Variants in MYLK observed in about 807,000 individuals in gnomAD.
MYLK encodes myosin light chain kinase, smooth muscle.
In MYLK, 106 loss-of-function variants were observed where a neutral mutation model predicts 203.4. The observed-to-expected ratio is 0.52, with a 90% CI of 0.45 to 0.61. The LOEUF is 0.61. Among genes scored for constraint, MYLK ranks in the 20% least tolerant of loss-of-function variants. The pLI, the probability that MYLK is intolerant of heterozygous loss-of-function variation, is 0.00. For synonymous variants in MYLK, 867 were observed against 959.5 expected (o/e 0.90, Z 1.78); for missense variants, 2,072 against 2,442.3 (o/e 0.85, Z 3.20).
chr3:123,819,791 T>A (rs1462270366), intron 3 of MYLK, among the ~76,000 whole-genome samples: 1 of 114,966 alleles, frequency 8.7e-6, no homozygotes, highest in Non-Finnish European at 2.2e-5. Context: ...AGCCTCCTTT[T>A]TTTTTTTTTT....
intron 4 of MYLK, among the ~76,000 whole-genome samples, chr3:123,792,663 C>T (rs540745908): frequency 3.3e-5 from 5 of 152,258 alleles, no homozygotes; most frequent in South Asian, 2.1e-4. Flanking sequence ...GAGCCCCCAG[C>T]GATTCTTCCT....
At chr3:123,701,093 G>A (rs2061191390) in intron 17 of MYLK, 88 bp from the exon 18 acceptor site, 2 of 1,530,738 alleles carry the variant, frequency 1.3e-6, no homozygotes, top group Admixed American at 3.7e-5. Flanking sequence ...AATCCCTGAG[G>A]GTGGGAGGGT....
At chr3:123,809,642 T>C (rs1485956503) in intron 3 of MYLK, among the ~76,000 whole-genome samples, 2 of 152,266 alleles carry the variant, frequency 1.3e-5, no homozygotes, top group South Asian at 2.1e-4. Flanking sequence ...CACTCTGCTC[T>C]GCAGACAGCA....
intron 4 of MYLK, among the ~76,000 whole-genome samples, chr3:123,786,129 CCT>C (rs1452105320): frequency 6.6e-6 from 1 of 151,896 alleles, no homozygotes; most frequent in Non-Finnish European, 1.5e-5. Context: ...ATGGTGAAAC[CCT>C]GTCTCTACTA....
Position 123,861,595 on chromosome 3 carries a change from G to T in MYLK, c.-127+14964C>A, listed in dbSNP as rs116059673. On this transcript the variant is annotated intron_variant, in intron 2 of 33. Coordinates refer to ENST00000360304, the MANE Select transcript of MYLK (RefSeq NM_053025.4). The stretch of plus-strand genomic sequence containing the variant: ...AGAAAGCATTTATCCATATGACTCT[G>T]CCCAAGCTGTCTTTGGCCATTTACA... 6.9e-3 allele frequency among the ~76,000 whole-genome samples: 1,045 copies of T among 152,338 alleles called. 16 individuals are homozygous for T. Among genetic ancestry groups the T allele is most frequent in the African/African-American group, 0.024 (1,012 of 41,588 alleles).
intron 3 of MYLK, among the ~76,000 whole-genome samples, chr3:123,813,218 G>T (rs1227443667): frequency 6.6e-6 from 1 of 152,182 alleles, no homozygotes; most frequent in Admixed American, 6.5e-5. Flanking sequence ...TGCAAATAGG[G>T]GAAGGTTCAG....
intron 11 of MYLK, among the ~76,000 whole-genome samples, chr3:123,730,519 T>C (rs1156392810): frequency 6.6e-6 from 1 of 152,204 alleles, no homozygotes; most frequent in Non-Finnish European, 1.5e-5. Context: ...AAGTGATGCG[T>C]GGATAAACAA....
intron 14 of MYLK, chr3:123,709,362 C>T (rs1035539939): frequency 1.4e-5 from 4 of 283,658 alleles, no homozygotes; most frequent in East Asian, 9.0e-5. Flanking sequence ...AGGATGGTCT[C>T]GATCTCCTGA....
At chr3:123,676,341 C>T (rs2060071672) in intron 20 of MYLK, among the ~76,000 whole-genome samples, 1 of 152,224 alleles carries the variant, frequency 6.6e-6, no homozygotes, top group African/African-American at 2.4e-5. Flanking sequence ...CAGGGCCCCA[C>T]ATCTTTCACT....
chr3:123,793,615 C>T (rs1275457229), intron 4 of MYLK, 62 bp downstream of exon 4: 1 of 1,591,088 alleles, frequency 6.3e-7, no homozygotes, highest in Non-Finnish European at 8.6e-7. Flanking sequence ...AAAGGCTTGA[C>T]AAGGAGCAGC....
At chr3:123,768,446 T>C (rs2063772247) in intron 4 of MYLK, among the ~76,000 whole-genome samples, 1 of 152,144 alleles carries the variant, frequency 6.6e-6, no homozygotes, top group Admixed American at 6.5e-5. Flanking sequence ...ACCCATTCAG[T>C]AAGGACAGCC....
intron 24 of MYLK, among the ~76,000 whole-genome samples, chr3:123,653,877 T>C (rs896097600): frequency 6.6e-6 from 1 of 152,110 alleles, no homozygotes; most frequent in African/African-American, 2.4e-5. Flanking sequence ...TCTTACTCCT[T>C]TTCCTGTCAC....
chr3:123,767,288 G>A (rs542058694), intron 4 of MYLK, among the ~76,000 whole-genome samples: 5 of 152,272 alleles, frequency 3.3e-5, no homozygotes, highest in East Asian at 1.9e-4. Context: ...CAGGCGCAGC[G>A]CAACTCATTC....
At position 123,734,188 on chromosome 3, in the gene MYLK, CT is replaced by C; in HGVS notation, c.807del (p.Asp270MetfsTer6). The C allele has an allele frequency of 5.2e-6, 7 of 1,342,042 alleles. No homozygotes were observed. Among genetic ancestry groups the C allele is most frequent in the South Asian group, 1.3e-5 (1 of 78,366 alleles). The allele number at this position is 1,342,042 out of a possible 1,614,324, so 83.1% of individuals were successfully genotyped here. ...ACATTGGTCACCTCTTTCCTGACAT[CT>C]GAATTGGTGGCTTTTGTTTCTCTCA... The part of the protein sequence containing the change: ...SFVRETKATN[S>X]DVRKEVTNVI... On this transcript the variant is annotated frameshift_variant, in exon 10 of 34. Transcript: ENST00000360304. LOFTEE classifies it high-confidence loss of function.
chr3:123,772,958 C>T (rs1424617863), intron 4 of MYLK, among the ~76,000 whole-genome samples: 1 of 151,872 alleles, frequency 6.6e-6, no homozygotes, highest in Admixed American at 6.5e-5. Flanking sequence ...CCTTATAAGG[C>T]TATTTTTAAC....
Position 123,838,003 on chromosome 3 carries a change from A to G in MYLK, c.-126-6333T>C, listed in dbSNP as rs76897757. On this transcript the variant is annotated intron_variant, in intron 2 of 33. Transcript: ENST00000360304. ...AGAAATAGAGGATGAGTCAGAAGAAATACTTACATAATAATTAAGCATTTT... is the reference window on the plus strand; with the variant it reads ...AGAAATAGAGGATGAGTCAGAAGAAGTACTTACATAATAATTAAGCATTTT... Among the ~76,000 whole-genome samples the G allele has an allele frequency of 3.4e-3, 523 of 152,332 alleles. 3 individuals carry two copies. Among genetic ancestry groups the G allele is most frequent in the African/African-American group, 0.012 (490 of 41,574 alleles).
Position 123,739,838 on chromosome 3 carries a change from C to A in MYLK, c.422+115G>T. 8.6e-6 allele frequency: 10 copies of A among 1,156,944 alleles called. No individual in the cohort carries two copies. In the South Asian group the frequency reaches 1.2e-4, roughly 14 times the overall value. The allele number at this position is 1,156,944 out of a possible 1,614,324, so 71.7% of individuals were successfully genotyped here. On this transcript the variant is annotated intron_variant, in intron 6 of 33. Transcript: ENST00000360304. Reference sequence around the variant, plus strand: ...GACACATCTCATTGTACTAGGCTCCCGCCCTTTGGTTATTATAACCTAGGA... The same window carrying A: ...GACACATCTCATTGTACTAGGCTCCAGCCCTTTGGTTATTATAACCTAGGA...
chr3:123,770,397 T>C (rs1043007865), intron 4 of MYLK, among the ~76,000 whole-genome samples: 2 of 152,144 alleles, frequency 1.3e-5, no homozygotes, highest in African/African-American at 2.4e-5. Flanking sequence ...TTCTAAATCA[T>C]CAACTAGACA....
intron 21 of MYLK, 108 bp downstream of exon 21, chr3:123,667,029 T>C (rs2059759274): frequency 9.8e-6 from 10 of 1,017,084 alleles, no homozygotes; most frequent in Non-Finnish European, 1.6e-5. Context: ...GGGGTTGCAG[T>C]GGGGTGTCTC....
Sources: allele counts gnomAD v4.1 joint callset (sites outside exome capture counted in the v4.1 genomes callset), GRCh38; gene constraint gnomAD v4.1.1; transcripts MANE v1.5; gene names NCBI Gene and HGNC (gene_info 2026-07-23, HGNC 2026-07-21).